The following APC variants were observed in gnomAD, a reference collection of about 807,000 sequenced individuals.
APC encodes the protein APC regulator of Wnt signaling pathway.
APC carries 72 observed loss-of-function variants against 247.0 expected under a neutral mutation model. That is an observed-to-expected ratio of 0.29 (90% CI 0.24 to 0.35). The LOEUF is 0.35. Ranked by LOEUF, APC falls within the 10% of genes least tolerant of loss-of-function variation. The pLI, the probability that APC is intolerant of heterozygous loss-of-function variation, is 1.00. For synonymous variants in APC, 1,254 were observed against 1,162.5 expected (o/e 1.08, Z -1.60); for missense variants, 3,400 against 3,360.7 (o/e 1.01, Z -0.29).
chr5:112,834,725 A>G (rs1764675441), intron 14 of APC, among the ~76,000 whole-genome samples: 1 of 152,204 alleles, frequency 6.6e-6, no homozygotes, highest in South Asian at 2.1e-4. Flanking sequence ...TATAAAAGTC[A>G]TTAGTTAAAT....
At chr5:112,762,492 C>T (rs1436059114) in intron 2 of APC, among the ~76,000 whole-genome samples, 3 of 152,196 alleles carry the variant, frequency 2.0e-5, no homozygotes, top group African/African-American at 7.2e-5. Flanking sequence ...ATACAGTGGA[C>T]TGCTACATAC....
At chr5:112,775,011 A>G (rs1757463582) in intron 4 of APC, among the ~76,000 whole-genome samples, 1 of 152,094 alleles carries the variant, frequency 6.6e-6, no homozygotes, top group Admixed American at 6.6e-5. Context: ...TCCCTGTAAC[A>G]CTCTTACTGT....
chr5:112,726,714 G>C (rs772067623), intron 1 of APC, among the ~76,000 whole-genome samples: 11 of 152,060 alleles, frequency 7.2e-5, no homozygotes, highest in Non-Finnish European at 1.5e-4. Context: ...CATGTTGAGA[G>C]GGTATTTGAA....
intron 1 of APC, among the ~76,000 whole-genome samples, chr5:112,740,503 T>C (rs557241733): frequency 7.3e-5 from 11 of 150,502 alleles, no homozygotes; most frequent in African/African-American, 2.7e-4. Context: ...ATTGAAGTTT[T>C]TGTTTTTTGT....
At chr5:112,757,958 A>C (rs1261972971) in intron 2 of APC, among the ~76,000 whole-genome samples, 1 of 152,220 alleles carries the variant, frequency 6.6e-6, no homozygotes, top group Non-Finnish European at 1.5e-5. Flanking sequence ...TTAAATATAC[A>C]TATTGAAATA....
At position 112,838,632 on chromosome 5, in the gene APC, A is replaced by T. The variant is rs1554084653; in HGVS notation, c.3038A>T (p.His1013Leu). 6.2e-7 allele frequency: 1 copy of T among 1,614,170 alleles called. No individual in the cohort carries two copies. ...GCCCATAAAATACATAGTGCAAATC[A>T]TATGGATGATAATGATGGAGAACTA... The part of the protein sequence containing the change: ...DLAHKIHSAN[H>L]MDDNDGELDT... The change falls in exon 16 of 16, where the codon CAT becomes CTT. Residue 1013 changes from histidine (H) to leucine (L), a missense_variant. His to Leu is a moderately conservative substitution (Grantham distance 99). This residue lies in a region of APC where 715 missense variants were observed against 656.6 expected (regional missense o/e 1.09). Coordinates refer to ENST00000257430, the MANE Select transcript of APC (RefSeq NM_000038.6).
intron 8 of APC, among the ~76,000 whole-genome samples, chr5:112,807,795 C>G (rs1445480884): frequency 6.6e-6 from 1 of 152,034 alleles, no homozygotes; most frequent in Non-Finnish European, 1.5e-5. Context: ...TAAGAAGATT[C>G]CAGGCATCAT....
chr5:112,756,073 C>T (rs183438711), intron 2 of APC, among the ~76,000 whole-genome samples: 7 of 152,124 alleles, frequency 4.6e-5, no homozygotes, highest in African/African-American at 1.4e-4. Context: ...TACTCTTATT[C>T]CTTACTAATT....
chr5:112,708,135 C>T (rs1750634559), intron 1 of APC, among the ~76,000 whole-genome samples: 1 of 152,230 alleles, frequency 6.6e-6, no homozygotes, highest in Non-Finnish European at 1.5e-5. Flanking sequence ...GCTGCTGGAG[C>T]TTCGCCCCTG....
At chr5:112,762,413 G>A (rs1162831473) in intron 2 of APC, among the ~76,000 whole-genome samples, 1 of 152,164 alleles carries the variant, frequency 6.6e-6, no homozygotes, top group Admixed American at 6.5e-5. Flanking sequence ...CTAAATAATA[G>A]CCTGCAGACT....
intron 5 of APC, among the ~76,000 whole-genome samples, chr5:112,777,209 G>T (rs1425102119): frequency 2.0e-5 from 3 of 151,680 alleles, no homozygotes; most frequent in Non-Finnish European, 4.4e-5. Flanking sequence ...TGTGATTTTT[G>T]TTTTGGTAAA....
In APC at chr5:112,843,520, T is replaced by A. The variant is rs932271698; in HGVS notation, c.7926T>A (p.Thr2642=). 2 of 1,613,776 alleles carry A rather than the reference T, an allele frequency of 1.2e-6. No homozygotes were observed. Among genetic ancestry groups the A allele is most frequent in the Non-Finnish European group, 1.7e-6 (2 of 1,179,730 alleles). ...SGATNGAESK[T]LIYQMAPAVS... ...CTACAAATGGTGCTGAATCAAAGACTCTAATTTATCAAATGGCACCTGCTG... is the reference window on the plus strand; with the variant it reads ...CTACAAATGGTGCTGAATCAAAGACACTAATTTATCAAATGGCACCTGCTG... The change falls in exon 16 of 16, where the codon ACT becomes ACA. Residue 2642 remains threonine, a synonymous_variant. Coordinates refer to ENST00000257430, the MANE Select transcript of APC (RefSeq NM_000038.6). The surrounding 1 kb of genome is among the most constrained non-coding windows in gnomAD (Gnocchi z 4.8).
At chr5:112,716,628 C>G (rs1407166189) in intron 1 of APC, among the ~76,000 whole-genome samples, 1 of 152,028 alleles carries the variant, frequency 6.6e-6, no homozygotes, top group African/African-American at 2.4e-5. Flanking sequence ...TCATCAGTTA[C>G]TAAAAGTGTA....
intron 1 of APC, among the ~76,000 whole-genome samples, chr5:112,720,392 T>C (rs1751417887): frequency 6.6e-6 from 1 of 152,264 alleles, no homozygotes; most frequent in Admixed American, 6.5e-5. Context: ...AATAGCTTTT[T>C]GTTTTAGATT....
At chr5:112,748,453 CT>C (rs1753920422) in intron 1 of APC, among the ~76,000 whole-genome samples, 1 of 152,096 alleles carries the variant, frequency 6.6e-6, no homozygotes, top group Non-Finnish European at 1.5e-5. Context: ...ATAACACTTT[CT>C]CTTTTTTAAA....
chr5:112,806,704 A>C (rs1761434190), intron 8 of APC, among the ~76,000 whole-genome samples: 1 of 151,934 alleles, frequency 6.6e-6, no homozygotes, highest in African/African-American at 2.4e-5. Flanking sequence ...TCATTCTTGG[A>C]TAGTTGGGAC....
At chr5:112,743,711 T>G (rs1050655701) in intron 1 of APC, among the ~76,000 whole-genome samples, 3 of 152,218 alleles carry the variant, frequency 2.0e-5, no homozygotes, top group African/African-American at 2.4e-5. Context: ...TTTAGACTCG[T>G]TATAACACCA....
In APC at chr5:112,838,384, A is replaced by G; in HGVS notation, c.2790A>G (p.Thr930=). 6.2e-7 allele frequency: 1 copy of G among 1,614,198 alleles called. No homozygotes were observed. Among genetic ancestry groups the G allele is most frequent in the Non-Finnish European group, 8.5e-7 (1 of 1,180,038 alleles). The change falls in exon 16 of 16, where the codon ACA becomes ACG. Residue 930 remains threonine, a synonymous_variant. Transcript: ENST00000257430. ...NALRRSSAAH[T]HSNTYNFTKS... Reference sequence around the variant, plus strand: ...TTAGAAGAAGCTCTGCTGCCCATACACATTCAAACACTTACAATTTCACTA... The same window carrying G: ...TTAGAAGAAGCTCTGCTGCCCATACGCATTCAAACACTTACAATTTCACTA...
Position 112,805,843 on chromosome 5 carries a change from C to CTA in APC, c.834+4461_834+4462dup, listed in dbSNP as rs144939774. Among the ~76,000 whole-genome samples the CTA allele has an allele frequency of 1.1e-4, 17 of 152,338 alleles. No homozygotes were observed. In the East Asian group the frequency reaches 3.3e-3, roughly 29 times the overall value. ...CTTCACCACCACGTGGGAATGTATT[C>CTA]TACCGCTTCTCTCACCTGGTTTCCT... is the stretch of plus-strand genomic sequence containing the variant. On this transcript the variant is annotated intron_variant, in intron 8 of 15. Coordinates refer to ENST00000257430, the MANE Select transcript of APC (RefSeq NM_000038.6).
Sources: gnomAD v4.1 joint callset for allele counts (sites outside exome capture counted in the v4.1 genomes callset) on GRCh38, gnomAD v4.1.1 for gene constraint, gnomAD v4.1.1 regional missense constraint, Gnocchi (gnomAD v3.1) non-coding constraint, MANE v1.5 for transcripts, NCBI Gene and HGNC (gene_info 2026-07-23, HGNC 2026-07-21) for gene names.